ADGRL3: variants seen among roughly 807,000 people sequenced by gnomAD.
ADGRL3 encodes the protein calcium-independent alpha-latrotoxin receptor 3.
A neutral mutation model predicts 153.5 loss-of-function variants in ADGRL3; 62 were observed. The ratio of observed to expected loss-of-function variants is 0.40; its 90% confidence interval spans 0.33 to 0.50. The LOEUF (loss-of-function observed/expected upper bound fraction) is 0.50. Ranked by LOEUF, ADGRL3 falls within the 20% of genes least tolerant of loss-of-function variation. The pLI, the probability that ADGRL3 is intolerant of heterozygous loss-of-function variation, is 0.47. For missense variants in ADGRL3, 1,641 were observed against 1,859.4 expected, an observed-to-expected ratio of 0.88 and a Z score of 2.16; for synonymous variants, 710 against 672.5, an observed-to-expected ratio of 1.06 and a Z score of -0.86.
At chr4:61,767,339 C>T (rs2097002919) in intron 8 of ADGRL3, among the ~76,000 whole-genome samples, 1 of 150,038 alleles carries the variant, frequency 6.7e-6, no homozygotes. Context: ...TCTAAGTTGG[C>T]ACCAGATGGG....
intron 13 of ADGRL3, among the ~76,000 whole-genome samples, chr4:61,917,443 A>G (rs2098749977): frequency 6.6e-6 from 1 of 152,186 alleles, no homozygotes; most frequent in African/African-American, 2.4e-5. Flanking sequence ...AGGTCTTTTT[A>G]CTTTCAGAGG....
chr4:61,324,146 T>C (rs995965899), intron 1 of ADGRL3, among the ~76,000 whole-genome samples: 2 of 152,054 alleles, frequency 1.3e-5, no homozygotes, highest in African/African-American at 4.8e-5. Flanking sequence ...GATTCGGTCA[T>C]CTCCCACTGG....
intron 1 of ADGRL3, among the ~76,000 whole-genome samples, chr4:61,309,498 C>G (rs1023594055): frequency 6.6e-6 from 1 of 152,172 alleles, no homozygotes; most frequent in Non-Finnish European, 1.5e-5. Flanking sequence ...CAATAATCAT[C>G]TATCATACTA....
At chr4:61,749,471 A>G (rs951995812) in intron 8 of ADGRL3, among the ~76,000 whole-genome samples, 1 of 152,226 alleles carries the variant, frequency 6.6e-6, no homozygotes, top group African/African-American at 2.4e-5. Flanking sequence ...AATATCCAAC[A>G]ATGATAGACT....
intron 8 of ADGRL3, among the ~76,000 whole-genome samples, chr4:61,802,963 C>A (rs2097516633): frequency 6.6e-6 from 1 of 152,042 alleles, no homozygotes; most frequent in South Asian, 2.1e-4. Flanking sequence ...ATATATCTAT[C>A]AGATACTGTT....
At chr4:61,328,597 A>G (rs1212480345) in intron 1 of ADGRL3, among the ~76,000 whole-genome samples, 1 of 152,150 alleles carries the variant, frequency 6.6e-6, no homozygotes, top group East Asian at 1.9e-4. Context: ...AAACATATGC[A>G]TTTATTTATT....
chr4:61,560,135 T>G (rs2098788444), intron 4 of ADGRL3, among the ~76,000 whole-genome samples: 1 of 152,100 alleles, frequency 6.6e-6, no homozygotes, highest in Non-Finnish European at 1.5e-5. Flanking sequence ...CTAACCTCCA[T>G]ACTTCTATTA....
chr4:61,909,485 CATGATCGTTGAAAGAAAGCA>C, intron 11 of ADGRL3, 55 bp from the exon 12 acceptor site: 7 of 997,976 alleles, frequency 7.0e-6, no homozygotes, highest in Non-Finnish European at 1.0e-5. Flanking sequence ...TACATGCAAA[CATGATCGTTGAAAGAAAGCA>C]ATAAAAGTAT....
At chr4:61,221,744 A>G (rs1577896917) in intron 1 of ADGRL3, among the ~76,000 whole-genome samples, 1 of 152,272 alleles carries the variant, frequency 6.6e-6, no homozygotes, top group East Asian at 1.9e-4. Context: ...ATGTTTAAAC[A>G]TATTCAAAAA....
rs557093671 is a variant in ADGRL3, at chr4:61,378,293, T to C, written c.-239-4831T>C. 2.4e-4 allele frequency among the ~76,000 whole-genome samples: 37 copies of C among 152,174 alleles called. 1 individual carries two copies. The South Asian group carries it at 7.5e-3, about 31-fold the overall frequency. ...TTGGCAATTTTGTCCAGTTTTATCATTGATTTTTGTGGAGACCATTTGCCA... is the reference window on the plus strand; with the variant it reads ...TTGGCAATTTTGTCCAGTTTTATCACTGATTTTTGTGGAGACCATTTGCCA... On this transcript the variant is annotated intron_variant, in intron 1 of 26. Transcript: ENST00000683033.
At chr4:61,760,441 G>A (rs182438816) in intron 8 of ADGRL3, among the ~76,000 whole-genome samples, 1 of 152,140 alleles carries the variant, frequency 6.6e-6, no homozygotes, top group East Asian at 1.9e-4. Flanking sequence ...CTCCGTGGGC[G>A]TAGGACCCTC....
chr4:61,373,940 T>C (rs1259151697), intron 1 of ADGRL3, among the ~76,000 whole-genome samples: 1 of 152,158 alleles, frequency 6.6e-6, no homozygotes, highest in Non-Finnish European at 1.5e-5. Flanking sequence ...AGACATAAAA[T>C]ATAAATACTT....
intron 6 of ADGRL3, among the ~76,000 whole-genome samples, chr4:61,680,051 C>A (rs949904188): frequency 2.0e-5 from 3 of 151,794 alleles, no homozygotes; most frequent in African/African-American, 4.8e-5. Flanking sequence ...CTAGTTTGTA[C>A]CATGAAAATA....
chr4:61,912,395 T>A (rs2098725773), intron 12 of ADGRL3, among the ~76,000 whole-genome samples: 1 of 152,200 alleles, frequency 6.6e-6, no homozygotes, highest in African/African-American at 2.4e-5. Flanking sequence ...ACTAACCTAA[T>A]GTGAAATGAA....
chr4:61,865,067 A>G (rs1278000290), intron 9 of ADGRL3, among the ~76,000 whole-genome samples: 4 of 152,168 alleles, frequency 2.6e-5, no homozygotes, highest in Non-Finnish European at 4.4e-5. Context: ...TGTAATCTGC[A>G]TGTCACTCGT....
intron 1 of ADGRL3, among the ~76,000 whole-genome samples, chr4:61,316,427 G>A (rs558778668): frequency 6.6e-6 from 1 of 152,238 alleles, no homozygotes; most frequent in African/African-American, 2.4e-5. Flanking sequence ...TTTAAAATTA[G>A]GTTGGTCAAA....
At chr4:61,989,142 C>T (rs1477907406) in intron 19 of ADGRL3, among the ~76,000 whole-genome samples, 2 of 151,968 alleles carry the variant, frequency 1.3e-5, no homozygotes, top group Non-Finnish European at 2.9e-5. Context: ...TAAAAAATAT[C>T]AGATTAGTGT....
chr4:62,039,700 G>A (rs1467527167), intron 24 of ADGRL3, among the ~76,000 whole-genome samples: 1 of 152,038 alleles, frequency 6.6e-6, no homozygotes, highest in Non-Finnish European at 1.5e-5. Flanking sequence ...GATGCTTATA[G>A]CATGAGCCCC....
intron 5 of ADGRL3, among the ~76,000 whole-genome samples, chr4:61,646,960 T>C (rs950896798): frequency 3.3e-5 from 5 of 152,160 alleles, no homozygotes; most frequent in Non-Finnish European, 7.3e-5. Context: ...CCGAGCCAGG[T>C]GCGGATATAA....
Sources: gnomAD v4.1 joint callset for allele counts (sites outside exome capture counted in the v4.1 genomes callset) on GRCh38, gnomAD v4.1.1 for gene constraint, MANE v1.5 for transcripts, NCBI Gene and HGNC (gene_info 2026-07-23, HGNC 2026-07-21) for gene names.